IMPG1: variants seen among roughly 807,000 people sequenced by gnomAD.
The protein encoded by IMPG1 is interphotoreceptor matrix proteoglycan 1.
Under a neutral mutation model 92.0 loss-of-function variants are expected in IMPG1, and 85 were observed. The observed-to-expected ratio is 0.92, with a 90% CI of 0.78 to 1.11. The LOEUF (loss-of-function observed/expected upper bound fraction) is 1.11. Ranked by LOEUF, IMPG1 falls within the 50% of genes least tolerant of loss-of-function variation. The pLI, the probability that IMPG1 is intolerant of heterozygous loss-of-function variation, is 0.00. For missense variants in IMPG1, 1,022 were observed against 956.0 expected (o/e 1.07, Z -0.91); for synonymous variants, 367 against 334.1 (o/e 1.10, Z -1.08).
chr6:76,011,106 T>C, intron 8 of IMPG1, 60 bp downstream of exon 8: 4 of 941,364 alleles, frequency 4.2e-6, no homozygotes, highest in Middle Eastern at 6.1e-4. Flanking sequence ...GCATTGTTTT[T>C]ACAAAAGGAT....
At chr6:75,988,308 G>A (rs1012518610) in intron 12 of IMPG1, among the ~76,000 whole-genome samples, 9 of 152,074 alleles carry the variant, frequency 5.9e-5, no homozygotes, top group Admixed American at 3.9e-4. Context: ...CTTAATGATC[G>A]CCATTCTAAC....
intron 1 of IMPG1, among the ~76,000 whole-genome samples, chr6:76,062,163 C>T (rs1000976742): frequency 6.6e-6 from 1 of 152,040 alleles, no homozygotes; most frequent in Non-Finnish European, 1.5e-5. Context: ...AATCAAATAC[C>T]ATAAAGCTGT....
chr6:75,971,537 G>GT (rs1428333610), intron 12 of IMPG1, among the ~76,000 whole-genome samples: 1 of 152,132 alleles, frequency 6.6e-6, no homozygotes, highest in African/African-American at 2.4e-5. Context: ...TTAACTCTTA[G>GT]TAGTTCAAAA....
chr6:75,992,518 C>G (rs1485549897), intron 12 of IMPG1, among the ~76,000 whole-genome samples: 1 of 152,130 alleles, frequency 6.6e-6, no homozygotes, highest in Non-Finnish European at 1.5e-5. Flanking sequence ...TAAAATATCT[C>G]TTGTATCATC....
intron 12 of IMPG1, among the ~76,000 whole-genome samples, chr6:75,974,334 TC>T (rs1480688225): frequency 2.1e-5 from 1 of 46,518 alleles, no homozygotes; most frequent in Non-Finnish European, 4.3e-5. Flanking sequence ...TCTTTCCCTT[TC>T]TTTCTTTCTT....
At chr6:76,029,940 T>C (rs748339952) in intron 4 of IMPG1, among the ~76,000 whole-genome samples, 4 of 152,044 alleles carry the variant, frequency 2.6e-5, no homozygotes, top group Non-Finnish European at 5.9e-5. Context: ...AGACATATTT[T>C]TGTCCCAAAC....
intron 12 of IMPG1, among the ~76,000 whole-genome samples, chr6:75,990,024 C>A (rs1782788219): frequency 6.6e-6 from 1 of 151,894 alleles, no homozygotes. Context: ...ATGAAATAAA[C>A]CAAAAACCAA....
At chr6:75,949,540 T>C (rs1202333472) in intron 13 of IMPG1, among the ~76,000 whole-genome samples, 3 of 152,018 alleles carry the variant, frequency 2.0e-5, no homozygotes, top group Non-Finnish European at 2.9e-5. Flanking sequence ...GTCTATGGAG[T>C]AGCCATTCTT....
chr6:75,947,039 T>G (rs568785132), intron 14 of IMPG1, among the ~76,000 whole-genome samples: 1 of 152,220 alleles, frequency 6.6e-6, no homozygotes, highest in South Asian at 2.1e-4. Flanking sequence ...ACAGCAAAAG[T>G]TTTGTTCTGA....
In IMPG1 at chr6:75,977,690, T is replaced by C. The variant is rs576810929; in HGVS notation, c.1291+25228A>G. Among the ~76,000 whole-genome samples, 10 of 152,228 alleles carry C rather than the reference T, an allele frequency of 6.6e-5. No homozygotes were observed. The South Asian group carries it at 2.1e-3, about 32-fold the overall frequency. On this transcript the variant is annotated intron_variant, in intron 12 of 16. Coordinates refer to ENST00000369950, the MANE Select transcript of IMPG1 (RefSeq NM_001563.4). ...AAGAACTCGAGGTGGACTAAAGACC[T>C]ATCAGTGCTAACAACAAACTTTGAA...
chr6:75,933,624 G>T (rs948045758), intron 14 of IMPG1, among the ~76,000 whole-genome samples: 1 of 152,116 alleles, frequency 6.6e-6, no homozygotes, highest in Non-Finnish European at 1.5e-5. Flanking sequence ...TCCAGGTCCA[G>T]CCTGGCCAGA....
In IMPG1 at chr6:75,930,991, C is replaced by T; in HGVS notation, c.2205G>A (p.Lys735=). 6.2e-7 allele frequency: 1 copy of T among 1,614,218 alleles called. No homozygotes were observed. Among genetic ancestry groups the T allele is most frequent in the Non-Finnish European group, 8.5e-7 (1 of 1,180,046 alleles). Residue 735 remains lysine, a synonymous_variant, in exon 15 of 17, where the codon AAG becomes AAA. Transcript: ENST00000369950. ...LEPGLCGPGT[K]ECEVLQGKGA... is the part of the protein sequence containing the mutation. ...CCTTTCCCTGGAGGACCTCGCATTC[C>T]TTTGTGCCAGGGCCACAGAGGCCTG...
Position 76,041,874 on chromosome 6 carries a change from G to A in IMPG1, c.301+19C>T. The A allele has an allele frequency of 6.7e-7, 1 of 1,494,698 alleles. No individual in the cohort carries two copies. The allele number at this position is 1,494,698 out of a possible 1,614,324, so 92.6% of individuals were successfully genotyped here. Reference sequence around the variant, plus strand: ...GATGGAAATAACACAAGGCTAAACGGTTTCATCTCTTTCCTTACCTCTCAA... The same window carrying A: ...GATGGAAATAACACAAGGCTAAACGATTTCATCTCTTTCCTTACCTCTCAA... On this transcript the variant is annotated intron_variant, in intron 2 of 16. Transcript: ENST00000369950.
At chr6:76,015,800 CAAAA>C (rs35389302) in intron 7 of IMPG1, among the ~76,000 whole-genome samples, 1 of 66,726 alleles carries the variant, frequency 1.5e-5, no homozygotes, top group African/African-American at 6.2e-5. Flanking sequence ...AACTCTGTCT[CAAAA>C]AAAAAAAAAA....
At chr6:75,975,840 T>C (rs1782523548) in intron 12 of IMPG1, among the ~76,000 whole-genome samples, 1 of 152,218 alleles carries the variant, frequency 6.6e-6, no homozygotes, top group African/African-American at 2.4e-5. Context: ...GAAGTAGCCA[T>C]AGGCTATACG....
Position 75,996,659 on chromosome 6 carries a change from T to C in IMPG1, c.1291+6259A>G, listed in dbSNP as rs533173665. Among the ~76,000 whole-genome samples, 4 of 152,286 alleles carry C rather than the reference T, an allele frequency of 2.6e-5. No individual in the cohort carries two copies. In the East Asian group the frequency reaches 7.7e-4, roughly 29 times the overall value. Reference sequence around the variant, plus strand: ...ATGATGCAACAGGGAATGACCAAGATAGCACTGGCTAGGGAGAACTTTCCA... The same window carrying C: ...ATGATGCAACAGGGAATGACCAAGACAGCACTGGCTAGGGAGAACTTTCCA... On this transcript the variant is annotated intron_variant, in intron 12 of 16. Coordinates refer to ENST00000369950, the MANE Select transcript of IMPG1 (RefSeq NM_001563.4).
rs142304697 is a variant in IMPG1, at chr6:76,026,451, C to T, written c.498-1193G>A. ...CATTGCTCCTGGGCCTTTTCATGGC[C>T]CTTTCCTTCCATTCTCAGGGTCAAA... is the stretch of plus-strand genomic sequence containing the variant. On this transcript the variant is annotated intron_variant, in intron 4 of 16. Transcript: ENST00000369950. Among the ~76,000 whole-genome samples the T allele has an allele frequency of 7.3e-3, 1,106 of 152,268 alleles. 11 individuals are homozygous for T. Among genetic ancestry groups the T allele is most frequent in the African/African-American group, 0.025 (1,043 of 41,550 alleles).
intron 12 of IMPG1, among the ~76,000 whole-genome samples, chr6:75,971,050 A>G (rs909745802): frequency 1.4e-4 from 22 of 152,104 alleles, no homozygotes; most frequent in Non-Finnish European, 2.2e-4. Flanking sequence ...TCACAATAGC[A>G]AAGACTTGGA....
intron 6 of IMPG1, among the ~76,000 whole-genome samples, chr6:76,020,208 A>G (rs142375653): frequency 6.6e-6 from 1 of 152,002 alleles, no homozygotes. Flanking sequence ...ATGGACCACC[A>G]TGCCCAGGTA....
Sources: allele counts gnomAD v4.1 joint callset (sites outside exome capture counted in the v4.1 genomes callset), GRCh38; gene constraint gnomAD v4.1.1; transcripts MANE v1.5; gene names NCBI Gene and HGNC (gene_info 2026-07-23, HGNC 2026-07-21).